The following GAPVD1 variants were observed in gnomAD, a reference collection of about 807,000 sequenced individuals.
GAPVD1 encodes GTPase-activating protein and VPS9 domain-containing protein 1.
Under a neutral mutation model 155.5 loss-of-function variants are expected in GAPVD1, and 35 were observed. The ratio of observed to expected loss-of-function variants is 0.23; its 90% CI spans 0.17 to 0.30. The LOEUF (loss-of-function observed/expected upper bound fraction) is 0.30. Among genes scored for constraint, GAPVD1 ranks in the 10% least tolerant of loss-of-function variants. The pLI, the probability that GAPVD1 is intolerant of heterozygous loss-of-function variation, is 1.00. For missense variants in GAPVD1, 1,429 were observed against 1,775.7 expected (o/e 0.80, Z 3.51); for synonymous variants, 636 against 619.7 (o/e 1.03, Z -0.39).
chr9:125,316,871 G>A (rs1843500347), intron 9 of GAPVD1, among the ~76,000 whole-genome samples: 1 of 152,188 alleles, frequency 6.6e-6, no homozygotes, highest in Non-Finnish European at 1.5e-5. Context: ...GTGTGAAAGT[G>A]TTCCTGTTTC....
intron 2 of GAPVD1, among the ~76,000 whole-genome samples, chr9:125,292,448 A>G (rs946441119): frequency 4.0e-5 from 6 of 150,400 alleles, no homozygotes; most frequent in African/African-American, 1.5e-4. Context: ...GCTGGAGTGC[A>G]GTGTTGTGAT....
Position 125,350,837 on chromosome 9 carries a change from T to C in GAPVD1, c.3534T>C (p.Cys1178=), listed in dbSNP as rs867478093. 7 of 1,613,836 alleles carry C rather than the reference T, an allele frequency of 4.3e-6. No homozygotes were observed. The highest frequency in any genetic ancestry group is 1.6e-4 in the Middle Eastern group (1 of 6,084). Residue 1178 remains cysteine, a synonymous_variant, in exon 23 of 28, where the codon TGT becomes TGC. Coordinates refer to ENST00000297933, the MANE Select transcript of GAPVD1 (RefSeq NM_001282680.3). ...RCVCRFDNRT[C]RKLLASIAED... is the part of the protein sequence containing the mutation. ...TGTGCCGTTTTGATAATAGGACTTG[T>C]AGGAAACTGCTGGCTTCGATTGCTG...
Position 125,332,634 on chromosome 9 carries a change from GA to G in GAPVD1, c.2428+6del. 1 of 1,606,250 alleles carries G rather than the reference GA, an allele frequency of 6.2e-7. No homozygotes were observed. Among genetic ancestry groups the G allele is most frequent in the South Asian group, 1.1e-5 (1 of 89,608 alleles). The stretch of plus-strand genomic sequence containing the variant: ...ACATGGATGAAATAACTCACGGTAA[GA>G]GGGGGAAATGAGGATGACTTAAAAA... On this transcript the variant is annotated splice_donor_region_variant and intron_variant, in intron 15 of 27. Transcript: ENST00000297933.
chr9:125,302,460 G>A lies in GAPVD1; in HGVS notation c.663G>A (p.Lys221=). 1 of 1,613,734 alleles carries A rather than the reference G, an allele frequency of 6.2e-7. No individual in the cohort carries two copies. Among genetic ancestry groups the A allele is most frequent in the Non-Finnish European group, 8.5e-7 (1 of 1,179,904 alleles). Residue 221 remains lysine (K), a synonymous_variant, in exon 5 of 28, where the codon AAG becomes AAA. Transcript: ENST00000297933. ...ATCACCTGGAAACAGATCCAAACAA[G>A]CTAATTGAGAGGTTCTCTCCATCTC... ...DEDHLETDPN[K]LIERFSPSQQ...
intron 6 of GAPVD1, 99 bp downstream of exon 6, chr9:125,305,248 T>A: frequency 6.7e-6 from 5 of 746,592 alleles, no homozygotes; most frequent in Non-Finnish European, 1.1e-5. Flanking sequence ...AAATTAAATG[T>A]TCTTTTAATT....
At chr9:125,321,260 ATT>A (rs1442893031) in intron 9 of GAPVD1, among the ~76,000 whole-genome samples, 171 bp from the exon 10 acceptor site, 2 of 152,280 alleles carry the variant, frequency 1.3e-5, no homozygotes, top group South Asian at 2.1e-4. Flanking sequence ...AGCTGCTTTA[ATT>A]TATATACTTT....
chr9:125,335,104 T>A, intron 15 of GAPVD1: 1 of 668,670 alleles, frequency 1.5e-6, no homozygotes, highest in South Asian at 1.8e-5. Context: ...AAGAATAATA[T>A]CCACAATTTT....
At chr9:125,323,409 C>T (rs997686420) in intron 10 of GAPVD1, among the ~76,000 whole-genome samples, 1 of 151,930 alleles carries the variant, frequency 6.6e-6, no homozygotes, top group African/African-American at 2.4e-5. Context: ...GGGTTCACGC[C>T]ATTCTCCTGC....
intron 2 of GAPVD1, among the ~76,000 whole-genome samples, chr9:125,280,396 CAAAAAAAA>C (rs750354567): frequency 3.5e-5 from 2 of 57,334 alleles, no homozygotes; most frequent in Non-Finnish European, 6.3e-5. Flanking sequence ...AAGTCCATCT[CAAAAAAAA>C]AAAAAAAAAA....
At chr9:125,332,201 C>A in intron 14 of GAPVD1, 141 bp downstream of exon 14, 1 of 851,638 alleles carries the variant, frequency 1.2e-6, no homozygotes, top group Non-Finnish European at 1.8e-6. Context: ...TCCATTGCAC[C>A]TGAAATCTTT....
intron 20 of GAPVD1, 30 bp downstream of exon 20, chr9:125,346,971 A>C: frequency 6.2e-7 from 1 of 1,608,306 alleles, no homozygotes; most frequent in East Asian, 2.2e-5. Flanking sequence ...TTTGAGTAGT[A>C]AACTTTTATA....
chr9:125,351,370 A>G (rs1417252103), intron 23 of GAPVD1, among the ~76,000 whole-genome samples: 5 of 152,214 alleles, frequency 3.3e-5, no homozygotes, highest in African/African-American at 1.2e-4. Flanking sequence ...GCTTCTCCCA[A>G]CTCATGTTCT....
At chr9:125,316,079 G>A (rs1843380614) in intron 9 of GAPVD1, among the ~76,000 whole-genome samples, 1 of 152,158 alleles carries the variant, frequency 6.6e-6, no homozygotes, top group Non-Finnish European at 1.5e-5. Context: ...GGCCACACAT[G>A]ACAGAAAATT....
At chr9:125,358,402 G>A (rs1057186160) in intron 25 of GAPVD1, among the ~76,000 whole-genome samples, 1 of 152,046 alleles carries the variant, frequency 6.6e-6, no homozygotes, top group African/African-American at 2.4e-5. Flanking sequence ...CACCCCGCCC[G>A]GCCTTCTGTA....
rs368177393 is a variant in GAPVD1 at position 125,302,126 on chromosome 9, T to C, written c.329T>C (p.Ile110Thr). ...LSRLRENPRL[I>T]ASSLVAGEKL... ...CGATTGAGGGAAAATCCTCGTCTTA[T>C]TGCCTCCTCTTTGGTTGCTGGAGAG... Residue 110 changes from isoleucine (I) to threonine (T), a missense_variant, in exon 5 of 28, where the codon ATT (isoleucine) becomes ACT (threonine). Ile to Thr is a moderately conservative substitution (Grantham distance 89). Around this residue, in one of 4 missense-constraint regions of GAPVD1, gnomAD observed 628 missense variants for 733.4 expected, o/e 0.86. Transcript: ENST00000297933. 2.8e-5 allele frequency: 45 copies of C among 1,614,082 alleles called. 1 individual carries two copies. In the South Asian group the frequency reaches 4.4e-4, roughly 16 times the overall value.
intron 2 of GAPVD1, among the ~76,000 whole-genome samples, chr9:125,294,295 C>A (rs1166446400): frequency 6.6e-6 from 1 of 151,492 alleles, no homozygotes; most frequent in African/African-American, 2.4e-5. Flanking sequence ...CCCGCCTCCA[C>A]CTCCCAAAGT....
chr9:125,263,866 C>T lies in GAPVD1; in HGVS notation c.-199+1907C>T, dbSNP rs1384440968. ...CTCCGGGGGGCAGATGAAGGTAATC[C>T]CGGAGATACTGGATACCCTCATTGG... On this transcript the variant is annotated intron_variant, in intron 1 of 27. Transcript: ENST00000297933. The T allele has an allele frequency of 8.1e-6, 11 of 1,361,120 alleles. No homozygotes were observed. The Admixed American group carries it at 1.3e-4, about 17-fold the overall frequency. 84.3% of individuals were successfully genotyped at this position (1,361,120 alleles called of 1,614,324 possible).
At chr9:125,263,455 A>G (rs1304710375) in intron 1 of GAPVD1, 1 of 602,590 alleles carries the variant, frequency 1.7e-6, no homozygotes, top group Non-Finnish European at 3.0e-6. Flanking sequence ...CTCAAAAAAC[A>G]AAACAAAACA....
intron 9 of GAPVD1, among the ~76,000 whole-genome samples, chr9:125,315,290 A>T (rs1335174828): frequency 7.2e-5 from 11 of 152,194 alleles, no homozygotes; most frequent in Admixed American, 2.6e-4. Context: ...GCTGGCAAAA[A>T]CTGTCAGAAT....
Sources: allele counts gnomAD v4.1 joint callset (sites outside exome capture counted in the v4.1 genomes callset), GRCh38; gene constraint gnomAD v4.1.1; regional missense constraint gnomAD v4.1.1; transcripts MANE v1.5; gene names NCBI Gene and HGNC (gene_info 2026-07-23, HGNC 2026-07-21).